Variants in LUC7L2 observed in about 807,000 individuals in gnomAD.
LUC7L2 encodes the protein putative RNA-binding protein Luc7-like 2.
LUC7L2 carries 25 observed loss-of-function variants against 52.8 expected under a neutral mutation model. The observed-to-expected ratio is 0.47, with a 90% CI of 0.34 to 0.66. LUC7L2 has a LOEUF of 0.66. LUC7L2 is among the 30% of genes least tolerant of loss of function. LUC7L2 has a pLI of 0.01. For synonymous variants in LUC7L2, 144 were observed against 160.9 expected (o/e 0.89, Z 0.80); for missense variants, 328 against 497.8 (o/e 0.66, Z 3.25).
chr7:139,368,747 A>AAAAAGT (rs1452809843), intron 1 of LUC7L2, among the ~76,000 whole-genome samples: 1 of 151,998 alleles, frequency 6.6e-6, no homozygotes, highest in African/African-American at 2.4e-5. Context: ...CAAAAAAAAA[A>AAAAAGT]AAAAAGTAAA....
At chr7:139,415,074 T>G (rs1020372549) in intron 8 of LUC7L2, among the ~76,000 whole-genome samples, 70 of 147,610 alleles carry the variant, frequency 4.7e-4, no homozygotes, top group Non-Finnish European at 9.0e-4. Flanking sequence ...TTTTTTTTTT[T>G]TTTTTTTTTG....
At chr7:139,345,735 A>G (rs753660217) in intron 1 of LUC7L2, 1 of 1,590,000 alleles carries the variant, frequency 6.3e-7, no homozygotes, top group Non-Finnish European at 8.6e-7. Context: ...TGCTGCATTC[A>G]TAGGAGAATT....
chr7:139,376,356 A>T (rs1028828650), intron 2 of LUC7L2, among the ~76,000 whole-genome samples, 200 bp downstream of exon 2: 1 of 152,180 alleles, frequency 6.6e-6, no homozygotes, highest in East Asian at 1.9e-4. Flanking sequence ...TTGTTTTATA[A>T]TTTTTTCCAT....
chr7:139,403,838 G>T (rs575644155), intron 4 of LUC7L2, among the ~76,000 whole-genome samples: 1 of 152,222 alleles, frequency 6.6e-6, no homozygotes, highest in Non-Finnish European at 1.5e-5. Flanking sequence ...CAGCAGGCTA[G>T]CCTGGCCGTG....
upstream of LUC7L2, chr7:139,359,008 T>C (rs1287039999): frequency 2.0e-5 from 3 of 152,238 alleles, no homozygotes; most frequent in African/African-American, 4.8e-5. Flanking sequence ...TAAAACAGTT[T>C]TTAGAAACAC....
intron 2 of LUC7L2, 53 bp from the exon 3 acceptor site, chr7:139,398,546 A>AT (rs1242540536): frequency 1.4e-6 from 2 of 1,473,468 alleles, no homozygotes; most frequent in East Asian, 2.4e-5. Flanking sequence ...TTGTTGAAGC[A>AT]TTTTTTAAAA....
At chr7:139,354,375 T>C (rs1029945552) in intron 1 of LUC7L2, among the ~76,000 whole-genome samples, 1 of 152,200 alleles carries the variant, frequency 6.6e-6, no homozygotes, top group Admixed American at 6.5e-5. Flanking sequence ...AATTTATTTA[T>C]TTTTGAAGCA....
At chr7:139,379,311 G>A (rs1039252003) in intron 2 of LUC7L2, among the ~76,000 whole-genome samples, 5 of 151,842 alleles carry the variant, frequency 3.3e-5, no homozygotes, top group South Asian at 4.2e-4. Flanking sequence ...AAGGTAGCCG[G>A]GACAACATAG....
At chr7:139,408,615 G>A (rs1289110507) in intron 6 of LUC7L2, among the ~76,000 whole-genome samples, 9 of 152,102 alleles carry the variant, frequency 5.9e-5, no homozygotes, top group Non-Finnish European at 1.0e-4. Flanking sequence ...AGGCCAAGGC[G>A]GGCGGATCAC....
At chr7:139,417,862 T>A in intron 9 of LUC7L2, 133 bp downstream of exon 9, 5 of 1,209,626 alleles carry the variant, frequency 4.1e-6, no homozygotes, top group Non-Finnish European at 5.6e-6. Flanking sequence ...TGTACACATT[T>A]ATGTGTGGGT....
At chr7:139,397,244 T>C (rs1159333423) in intron 2 of LUC7L2, among the ~76,000 whole-genome samples, 1 of 152,228 alleles carries the variant, frequency 6.6e-6, no homozygotes, top group Non-Finnish European at 1.5e-5. Context: ...TTTTGCCTTT[T>C]CCTAAGATTC....
intron 1 of LUC7L2, among the ~76,000 whole-genome samples, chr7:139,350,761 T>C (rs1464023977): frequency 6.6e-6 from 1 of 151,492 alleles, no homozygotes; most frequent in Non-Finnish European, 1.5e-5. Flanking sequence ...CTGCAACCTC[T>C]GCCTTCTGGG....
chr7:139,367,105 G>T (rs1158372977), intron 1 of LUC7L2, among the ~76,000 whole-genome samples: 1 of 152,074 alleles, frequency 6.6e-6, no homozygotes. Context: ...CCGAGTGGCT[G>T]AGATGACAGG....
intron 1 of LUC7L2, among the ~76,000 whole-genome samples, chr7:139,368,635 G>A (rs899334126): frequency 1.3e-5 from 2 of 151,856 alleles, no homozygotes; most frequent in South Asian, 4.1e-4. Flanking sequence ...CCACCCGGGA[G>A]GCTGAGGTTG....
upstream of LUC7L2, chr7:139,359,665 G>T (rs922970061): frequency 1.4e-4 from 54 of 397,730 alleles, no homozygotes; most frequent in Non-Finnish European, 2.3e-4. Context: ...CTACAGCCGG[G>T]AGGGAATGTA....
At chr7:139,362,118 T>TA (rs759432282) in intron 1 of LUC7L2, among the ~76,000 whole-genome samples, 1 of 152,068 alleles carries the variant, frequency 6.6e-6, no homozygotes, top group Non-Finnish European at 1.5e-5. Context: ...TTTTTTTTTT[T>TA]AACCTTCAGA....
intron 1 of LUC7L2, among the ~76,000 whole-genome samples, chr7:139,341,880 A>AG (rs1419107758): frequency 6.6e-6 from 1 of 152,220 alleles, no homozygotes; most frequent in African/African-American, 2.4e-5. Context: ...ATGGAGTTGA[A>AG]GGGTGTACTG....
chr7:139,361,846 T>C (rs1799900757), intron 1 of LUC7L2, among the ~76,000 whole-genome samples: 1 of 152,172 alleles, frequency 6.6e-6, no homozygotes, highest in African/African-American at 2.4e-5. Context: ...AAAATTAAGT[T>C]ATTTAAGACG....
At chr7:139,360,772 C>T (rs576061281) in intron 1 of LUC7L2, among the ~76,000 whole-genome samples, 3 of 152,260 alleles carry the variant, frequency 2.0e-5, no homozygotes, top group South Asian at 2.1e-4. Flanking sequence ...CCCTCCTCTT[C>T]CTGGGTCAGG....
Sources: allele counts gnomAD v4.1 joint callset (sites outside exome capture counted in the v4.1 genomes callset), GRCh38; gene constraint gnomAD v4.1.1; transcripts MANE v1.5; gene names NCBI Gene and HGNC (gene_info 2026-07-23, HGNC 2026-07-21).